GALNT16: variants seen among roughly 807,000 people sequenced by gnomAD.
GALNT16 encodes polypeptide N-acetylgalactosaminyltransferase 16.
GALNT16 carries 40 observed loss-of-function variants against 76.1 expected under a neutral mutation model. That is an observed-to-expected ratio of 0.53 (90% CI 0.41 to 0.68). GALNT16 has a LOEUF of 0.68. Among genes scored for constraint, GALNT16 ranks in the 30% least tolerant of loss-of-function variants. The pLI is 0.00. For missense variants in GALNT16, 621 were observed against 731.9 expected (o/e 0.85, Z 1.75); for synonymous variants, 276 against 285.2 (o/e 0.97, Z 0.32).
chr14:69,331,517 T>C lies in GALNT16; in HGVS notation c.744T>C (p.Phe248=), dbSNP rs1455084495. The C allele has an allele frequency of 1.2e-6, 2 of 1,610,820 alleles. No homozygotes were observed. The highest frequency in any genetic ancestry group is 2.2e-5 in the East Asian group (1 of 44,874). ...PIIDVISLDN[F]AYLAASADLR... is the part of the protein sequence containing the mutation. ...TTGATGTCATCAGTCTGGATAATTT[T>C]GCCTACCTTGCAGCATCTGCTGACC... Residue 248 remains phenylalanine, a synonymous_variant, in exon 7 of 15, where the codon TTT becomes TTC. Coordinates refer to ENST00000448469, the MANE Select transcript of GALNT16 (RefSeq NM_001168368.2).
intron 1 of GALNT16, among the ~76,000 whole-genome samples, chr14:69,294,959 C>T (rs1013303599): frequency 5.9e-5 from 9 of 152,126 alleles, no homozygotes; most frequent in African/African-American, 1.7e-4. Flanking sequence ...GAATAATATT[C>T]CATGGAATGG....
At chr14:69,347,288 C>A in intron 13 of GALNT16, 107 bp downstream of exon 13, 1 of 1,196,190 alleles carries the variant, frequency 8.4e-7, no homozygotes, top group Non-Finnish European at 1.1e-6. Context: ...CTACATCTTA[C>A]ACAAACCCAC....
chr14:69,331,346 C>T (rs888092043), intron 6 of GALNT16, 118 bp from the exon 7 acceptor site: 1 of 702,152 alleles, frequency 1.4e-6, no homozygotes, highest in African/African-American at 1.7e-5. Flanking sequence ...CTGGGCATAC[C>T]CTGCAGGAAG....
In GALNT16 at chr14:69,347,752, G is replaced by T; in HGVS notation, c.1414-125G>T. On this transcript the variant is annotated intron_variant, in intron 13 of 14. Transcript: ENST00000448469. ...AGTGAATACCCATACATCTACCCTA[G>T]CTCCTACAATTATTTGTAGAAATCT... The T allele has an allele frequency of 2.0e-6, 2 of 991,856 alleles. 1 individual carries two copies. The highest frequency in any genetic ancestry group is 3.0e-5 in the South Asian group (2 of 67,754). The allele number at this position is 991,856 out of a possible 1,614,324, so 61.4% of individuals were successfully genotyped here. A position where few individuals can be genotyped will look rare whatever the true frequency, so the allele number is the denominator to read the frequency against.
the GALNT16 span, among the ~76,000 whole-genome samples, chr14:69,362,369 G>A: frequency 6.6e-6 from 1 of 152,246 alleles, no homozygotes; most frequent in Non-Finnish European, 1.5e-5. Flanking sequence ...TGAGGTGGAG[G>A]CTCCAGGGTG....
intron 1 of GALNT16, among the ~76,000 whole-genome samples, chr14:69,263,114 A>C (rs1309285865): frequency 6.6e-6 from 1 of 152,140 alleles, no homozygotes; most frequent in East Asian, 1.9e-4. Flanking sequence ...TCCTGACCTC[A>C]TGTGATCCAT....
intron 1 of GALNT16, among the ~76,000 whole-genome samples, chr14:69,300,818 C>T (rs2044841133): frequency 6.6e-6 from 1 of 152,188 alleles, no homozygotes; most frequent in Non-Finnish European, 1.5e-5. Context: ...CACTCCCCTC[C>T]CCGCCCCATC....
intron 14 of GALNT16, chr14:69,351,792 A>T (rs890203304): frequency 4.7e-6 from 2 of 421,294 alleles, no homozygotes; most frequent in Non-Finnish European, 4.2e-6. Flanking sequence ...ATGCAGGTGT[A>T]GTCCTAGCTA....
At chr14:69,299,906 A>G (rs886630604) in intron 1 of GALNT16, among the ~76,000 whole-genome samples, 14 of 152,130 alleles carry the variant, frequency 9.2e-5, no homozygotes, top group Non-Finnish European at 5.9e-5. Flanking sequence ...TAAGACACCA[A>G]GGTGTCCGTG....
chr14:69,364,343 A>G, the GALNT16 span, among the ~76,000 whole-genome samples: 1 of 152,240 alleles, frequency 6.6e-6, no homozygotes, highest in Non-Finnish European at 1.5e-5. This position sits in a 1 kb window ranked among gnomAD's most constrained non-coding sequence, Gnocchi z 4.2. Flanking sequence ...GTGGATGCCA[A>G]ATCAGTGCTT....
intron 14 of GALNT16, chr14:69,348,294 C>G: frequency 1.8e-6 from 1 of 565,930 alleles, no homozygotes. Context: ...ACAACCACCA[C>G]AGTTCAAATA....
chr14:69,349,444 C>T (rs2045605909), intron 14 of GALNT16: 1 of 152,354 alleles, frequency 6.6e-6, no homozygotes. Context: ...CTGCCAGGCT[C>T]CCGATGGCAT....
At chr14:69,294,209 C>T (rs1008932558) in intron 1 of GALNT16, among the ~76,000 whole-genome samples, 5 of 152,086 alleles carry the variant, frequency 3.3e-5, no homozygotes, top group Non-Finnish European at 5.9e-5. Flanking sequence ...GCAACCTCCA[C>T]CCCCTGGGTT....
intron 7 of GALNT16, 119 bp from the exon 8 acceptor site, chr14:69,332,966 G>T: frequency 1.3e-6 from 1 of 755,438 alleles, no homozygotes. Context: ...ATGAAGGAGG[G>T]ACTGCACGAA....
intron 2 of GALNT16, 56 bp downstream of exon 2, chr14:69,320,924 T>G: frequency 6.5e-7 from 1 of 1,529,774 alleles, no homozygotes; most frequent in Middle Eastern, 1.7e-4. Flanking sequence ...GCCAACATTG[T>G]TTAGTTTGTC....
chr14:69,309,058 A>G (rs1164565392), intron 1 of GALNT16, among the ~76,000 whole-genome samples: 1 of 152,188 alleles, frequency 6.6e-6, no homozygotes, highest in African/African-American at 2.4e-5. Context: ...TTGCATTTTT[A>G]TTTAGTCATT....
chr14:69,270,708 C>A (rs1045954650), intron 1 of GALNT16, among the ~76,000 whole-genome samples: 2 of 152,212 alleles, frequency 1.3e-5, no homozygotes, highest in South Asian at 4.1e-4. Flanking sequence ...CATCTGTGAC[C>A]TGATTATTTC....
Position 69,320,887 on chromosome 14 carries a change from C to A in GALNT16, c.335+19C>A, listed in dbSNP as rs777495060. The stretch of plus-strand genomic sequence containing the variant: ...ATTACAGGTACGGCCTCCATCGTGT[C>A]AGTGGAGGAAGAAAGACTGAGAGAA... On this transcript the variant is annotated intron_variant, in intron 2 of 14. Coordinates refer to ENST00000448469, the MANE Select transcript of GALNT16 (RefSeq NM_001168368.2). 6.2e-7 allele frequency: 1 copy of A among 1,607,872 alleles called. No homozygotes were observed.
At chr14:69,305,217 G>C (rs1024072900) in intron 1 of GALNT16, among the ~76,000 whole-genome samples, 4 of 149,228 alleles carry the variant, frequency 2.7e-5, no homozygotes, top group Non-Finnish European at 3.0e-5. Context: ...TGCCCAGGCT[G>C]GGGTAGTGTG....
Sources: allele counts gnomAD v4.1 joint callset (sites outside exome capture counted in the v4.1 genomes callset), GRCh38; gene constraint gnomAD v4.1.1; non-coding constraint Gnocchi (gnomAD v3.1); transcripts MANE v1.5; gene names NCBI Gene and HGNC (gene_info 2026-07-23, HGNC 2026-07-21).